The following KIAA0319L variants were observed in gnomAD, a reference collection of about 807,000 sequenced individuals.
The protein encoded by KIAA0319L is KIAA0319 like.
In KIAA0319L, 55 loss-of-function variants were observed where a neutral mutation model predicts 120.1. That is an observed-to-expected ratio of 0.46 (90% CI 0.37 to 0.57). KIAA0319L has a LOEUF of 0.57. KIAA0319L is among the 20% of genes least tolerant of loss of function. The pLI is 0.00. For synonymous variants in KIAA0319L, 398 were observed against 471.9 expected (o/e 0.84, Z 2.03); for missense variants, 1,049 against 1,255.3 (o/e 0.84, Z 2.48).
At chr1:35,450,621 T>G in intron 13 of KIAA0319L, 112 bp from the exon 14 acceptor site, 1 of 1,024,122 alleles carries the variant, frequency 9.8e-7, no homozygotes. Context: ...CTGGAGAACC[T>G]TTTTAAGTGC....
chr1:35,511,995 C>T (rs114315776), intron 2 of KIAA0319L, among the ~76,000 whole-genome samples: 4 of 152,266 alleles, frequency 2.6e-5, no homozygotes, highest in Admixed American at 6.5e-5. Flanking sequence ...CTAAGCCAGG[C>T]GTGGTGGCTC....
intron 3 of KIAA0319L, among the ~76,000 whole-genome samples, chr1:35,493,291 A>G (rs928088428): frequency 6.6e-5 from 10 of 152,164 alleles, no homozygotes; most frequent in African/African-American, 2.2e-4. Context: ...CAAATATAAT[A>G]GCATCAAATA....
intron 2 of KIAA0319L, among the ~76,000 whole-genome samples, chr1:35,517,826 A>G (rs1017110823): frequency 6.6e-6 from 1 of 152,270 alleles, no homozygotes; most frequent in African/African-American, 2.4e-5. Context: ...TATGCATCTG[A>G]CAAAAGTCTA....
intron 16 of KIAA0319L, among the ~76,000 whole-genome samples, chr1:35,445,286 T>C (rs1408896150): frequency 6.6e-6 from 1 of 152,192 alleles, no homozygotes; most frequent in South Asian, 2.1e-4. Flanking sequence ...GGATTAACAA[T>C]GGGGCATTAT....
At position 35,440,915 on chromosome 1, in the gene KIAA0319L, T is replaced by C. The variant is rs1386513552; in HGVS notation, c.2962+132A>G. 3 of 791,564 alleles carry C rather than the reference T, an allele frequency of 3.8e-6. No individual in the cohort carries two copies. In the East Asian group the frequency reaches 7.3e-5, roughly 19 times the overall value. 49.0% of individuals were successfully genotyped at this position (791,564 alleles called of 1,614,324 possible). A position where few individuals can be genotyped will look rare whatever the true frequency, so the allele number is the denominator to read the frequency against. On this transcript the variant is annotated intron_variant, in intron 20 of 20. Coordinates refer to ENST00000325722, the MANE Select transcript of KIAA0319L (RefSeq NM_024874.5). The stretch of plus-strand genomic sequence containing the variant: ...GGGCAAATCTGACCCTCAGTCTTCA[T>C]CAGGCAAAAGGGAACAAAATGCTTT...
intron 2 of KIAA0319L, chr1:35,510,355 G>A (rs1645379902): frequency 1.3e-5 from 2 of 149,440 alleles, no homozygotes; most frequent in South Asian, 4.2e-4. Flanking sequence ...ACGTGAAAAA[G>A]CTTTCAGAAA....
chr1:35,472,943 C>G (rs1214554153), intron 5 of KIAA0319L, among the ~76,000 whole-genome samples: 1 of 151,322 alleles, frequency 6.6e-6, no homozygotes, highest in East Asian at 2.0e-4. Flanking sequence ...CGCCCACCAT[C>G]ACGCCTGGCT....
At chr1:35,496,783 T>TA (rs1306096423) in intron 3 of KIAA0319L, among the ~76,000 whole-genome samples, 3 of 151,452 alleles carry the variant, frequency 2.0e-5, no homozygotes, top group Non-Finnish European at 2.9e-5. Context: ...GTCTCTACTT[T>TA]AAAAAATACA....
rs561979010 is a variant in KIAA0319L at position 35,508,028 on chromosome 1, G to C, written c.143-893C>G. On this transcript the variant is annotated intron_variant, in intron 2 of 20. Coordinates refer to ENST00000325722, the MANE Select transcript of KIAA0319L (RefSeq NM_024874.5). The stretch of plus-strand genomic sequence containing the variant: ...GTCAAAACTTGTTCTAAATGGAAGT[G>C]ATTATGTGAGTTCATTTTAAGGTAC... 4.6e-5 allele frequency among the ~76,000 whole-genome samples: 7 copies of C among 152,350 alleles called. No homozygotes were observed. The East Asian group carries it at 1.4e-3, about 29-fold the overall frequency.
In KIAA0319L at chr1:35,444,171, G is replaced by A. The variant is rs1641439299; in HGVS notation, c.2646C>T (p.Val882=). 2 of 1,597,778 alleles carry A rather than the reference G, an allele frequency of 1.3e-6. No individual in the cohort carries two copies. Among genetic ancestry groups the A allele is most frequent in the Non-Finnish European group, 1.7e-6 (2 of 1,173,052 alleles). Residue 882 remains valine (V), a synonymous_variant, in exon 17 of 21, where the codon GTC becomes GTT. Coordinates refer to ENST00000325722, the MANE Select transcript of KIAA0319L (RefSeq NM_024874.5). ...CCCAGAATTACTCACTGACAGTGTTGACTTCCAAGGCTCTGAATATCAAAA... is the reference window on the plus strand; with the variant it reads ...CCCAGAATTACTCACTGACAGTGTTAACTTCCAAGGCTCTGAATATCAAAA... ...ADFLIFRALE[V]NTVTCQLNCS... is the part of the protein sequence containing the mutation.
chr1:35,475,216 CAT>C (rs1389548940), intron 4 of KIAA0319L, among the ~76,000 whole-genome samples: 1 of 152,080 alleles, frequency 6.6e-6, no homozygotes, highest in Admixed American at 6.6e-5. Context: ...ATCATGACAC[CAT>C]ATTATTCTAT....
At chr1:35,497,840 T>C (rs1644869524) in intron 3 of KIAA0319L, among the ~76,000 whole-genome samples, 1 of 152,212 alleles carries the variant, frequency 6.6e-6, no homozygotes, top group South Asian at 2.1e-4. Flanking sequence ...GTGCAAAGTT[T>C]TATTTAGAAA....
chr1:35,506,515 T>A lies in KIAA0319L; in HGVS notation c.666+97A>T. 8.2e-7 allele frequency: 1 copy of A among 1,214,024 alleles called. No individual in the cohort carries two copies. The highest frequency in any genetic ancestry group is 1.4e-5 in the South Asian group (1 of 70,344). The allele number at this position is 1,214,024 out of a possible 1,614,324, so 75.2% of individuals were successfully genotyped here. On this transcript the variant is annotated intron_variant, in intron 3 of 20. Coordinates refer to ENST00000325722, the MANE Select transcript of KIAA0319L (RefSeq NM_024874.5). The surrounding 1 kb of genome is among the most constrained non-coding windows in gnomAD (Gnocchi z 4.0). ...CTTTATATATACACTCCTCAGCCTA[T>A]GAGCACTGCCCGCAAGCATCAGCTT... is the stretch of plus-strand genomic sequence containing the variant.
chr1:35,492,929 C>G (rs1315383505), intron 3 of KIAA0319L, among the ~76,000 whole-genome samples: 1 of 152,148 alleles, frequency 6.6e-6, no homozygotes, highest in African/African-American at 2.4e-5. Context: ...GAGGCTAAGG[C>G]AGGAAGATTG....
chr1:35,526,020 C>T (rs768016022), intron 2 of KIAA0319L, among the ~76,000 whole-genome samples: 4 of 151,978 alleles, frequency 2.6e-5, no homozygotes, highest in Non-Finnish European at 5.9e-5. Flanking sequence ...TATATGATGA[C>T]AGACAGGGGC....
intron 16 of KIAA0319L, among the ~76,000 whole-genome samples, chr1:35,445,964 G>A (rs1010651334): frequency 1.5e-4 from 23 of 152,068 alleles, no homozygotes; most frequent in Non-Finnish European, 4.4e-5. Flanking sequence ...GCCAATTCCC[G>A]CCAGCTTGGA....
chr1:35,537,418 G>GT (rs1646621527), intron 2 of KIAA0319L, among the ~76,000 whole-genome samples: 1 of 64,958 alleles, frequency 1.5e-5, no homozygotes, highest in African/African-American at 6.6e-5. Context: ...TTGTTTTGTT[G>GT]TTTTTAAAGA....
intron 2 of KIAA0319L, among the ~76,000 whole-genome samples, chr1:35,541,149 C>A (rs1646772475): frequency 6.6e-6 from 1 of 151,920 alleles, no homozygotes. Flanking sequence ...ACTATGTTGT[C>A]CAGACTGGTC....
chr1:35,442,029 T>C (rs1641262180), intron 19 of KIAA0319L, among the ~76,000 whole-genome samples: 1 of 152,152 alleles, frequency 6.6e-6, no homozygotes, highest in Non-Finnish European at 1.5e-5. Context: ...TCCAAATCAC[T>C]GCAGTGGCTG....
Sources: gnomAD v4.1 joint callset for allele counts (sites outside exome capture counted in the v4.1 genomes callset) on GRCh38, gnomAD v4.1.1 for gene constraint, Gnocchi (gnomAD v3.1) non-coding constraint, MANE v1.5 for transcripts, NCBI Gene and HGNC (gene_info 2026-07-23, HGNC 2026-07-21) for gene names.